The following PHACTR1 variants were observed in gnomAD, a reference collection of about 807,000 sequenced individuals.
PHACTR1 encodes the protein RPEL repeat containing 1.
A neutral mutation model predicts 69.2 loss-of-function variants in PHACTR1; 16 were observed. That is an observed-to-expected ratio of 0.23 (90% CI 0.16 to 0.35). The LOEUF is 0.35. Ranked by LOEUF, PHACTR1 falls within the 10% of genes least tolerant of loss-of-function variation. The pLI is 1.00. For missense variants in PHACTR1, 510 were observed against 734.7 expected (o/e 0.69, Z 3.54); for synonymous variants, 312 against 284.5 (o/e 1.10, Z -0.97).
At chr6:12,926,873 G>A (rs532635366) in intron 4 of PHACTR1, among the ~76,000 whole-genome samples, 2 of 151,596 alleles carry the variant, frequency 1.3e-5, no homozygotes, top group African/African-American at 2.4e-5. Context: ...ACATGCGCTG[G>A]TCCTGGTCCT....
At chr6:12,885,673 T>C (rs1361277575) in intron 4 of PHACTR1, among the ~76,000 whole-genome samples, 1 of 152,238 alleles carries the variant, frequency 6.6e-6, no homozygotes, top group Non-Finnish European at 1.5e-5. Flanking sequence ...TGTCGCTTTA[T>C]TCCTAGAAAA....
At chr6:13,039,929 T>A (rs927211956) in intron 4 of PHACTR1, among the ~76,000 whole-genome samples, 8 of 152,210 alleles carry the variant, frequency 5.3e-5, no homozygotes, top group Non-Finnish European at 1.0e-4. Flanking sequence ...AAACAGATGA[T>A]GCTTTTGCAT....
rs901667855 is a variant in PHACTR1 at position 13,275,791 on chromosome 6, C to G, written c.1448-2477C>G. 1.3e-5 allele frequency: 2 copies of G among 152,218 alleles called. No individual in the cohort carries two copies. Among genetic ancestry groups the G allele is most frequent in the African/African-American group, 4.8e-5 (2 of 41,430 alleles). 9.4% of individuals were successfully genotyped at this position (152,218 alleles called of 1,614,324 possible). Reference sequence around the variant, plus strand: ...TAAATTTTCACCGTGTGCCCTCTAGCTGTCCCTGGTGACCCAACATCCAGA... The same window carrying G: ...TAAATTTTCACCGTGTGCCCTCTAGGTGTCCCTGGTGACCCAACATCCAGA... On this transcript the variant is annotated intron_variant, in intron 11 of 14. Coordinates refer to ENST00000332995, the MANE Select transcript of PHACTR1 (RefSeq NM_030948.6). This position sits in a 1 kb window ranked among gnomAD's most constrained non-coding sequence, Gnocchi z 4.0.
In PHACTR1 at chr6:13,205,970, C is replaced by T; in HGVS notation, c.820C>T (p.His274Tyr). 6.2e-7 allele frequency: 1 copy of T among 1,614,044 alleles called. No homozygotes were observed. The highest frequency in any genetic ancestry group is 8.5e-7 in the Non-Finnish European group (1 of 1,179,904). ...QKSGQQGVAQ[H>Y]HHTVLPSQIQ... ...GAGTGGCCAGCAGGGTGTGGCCCAG[C>T]ACCACCACACTGTCCTGCCCTCCCA... Residue 274 changes from histidine to tyrosine, a missense_variant, in exon 8 of 15, where the codon CAC (histidine) becomes TAC (tyrosine). Physicochemically the swap from His to Tyr is moderately conservative, Grantham distance 83. Coordinates refer to ENST00000332995, the MANE Select transcript of PHACTR1 (RefSeq NM_030948.6).
chr6:12,790,289 G>T (rs1581759432), intron 4 of PHACTR1, among the ~76,000 whole-genome samples: 1 of 152,044 alleles, frequency 6.6e-6, no homozygotes, highest in Non-Finnish European at 1.5e-5. Context: ...GAATTGCCCT[G>T]CTCACTTACC....
intron 3 of PHACTR1, among the ~76,000 whole-genome samples, chr6:12,743,642 A>C (rs1765366992): frequency 6.6e-6 from 1 of 152,214 alleles, no homozygotes; most frequent in African/African-American, 2.4e-5. Context: ...ATATGGGAGC[A>C]CCCAGATTCA....
intron 10 of PHACTR1, among the ~76,000 whole-genome samples, chr6:13,234,243 A>ATTCT (rs1432294801): frequency 6.6e-6 from 1 of 152,242 alleles, no homozygotes; most frequent in Non-Finnish European, 1.5e-5. Context: ...TCTGGCTCTG[A>ATTCT]TTCTTTCATT....
intron 5 of PHACTR1, among the ~76,000 whole-genome samples, chr6:13,147,079 T>C (rs932358385): frequency 6.6e-6 from 1 of 152,244 alleles, no homozygotes; most frequent in Non-Finnish European, 1.5e-5. Flanking sequence ...AGGTGATATA[T>C]ATGTGAAAGG....
chr6:12,967,983 G>A (rs761754853), intron 4 of PHACTR1, among the ~76,000 whole-genome samples: 24 of 152,182 alleles, frequency 1.6e-4, no homozygotes, highest in Non-Finnish European at 2.8e-4. Flanking sequence ...TTTGGTTGTC[G>A]GGGCAGAAGC....
intron 4 of PHACTR1, among the ~76,000 whole-genome samples, chr6:12,797,964 G>A (rs560078137): frequency 4.0e-5 from 6 of 150,456 alleles, no homozygotes; most frequent in Non-Finnish European, 5.9e-5. Flanking sequence ...GATACCTACC[G>A]CTATTTAACA....
chr6:12,864,962 A>AG (rs2127431110), intron 4 of PHACTR1, among the ~76,000 whole-genome samples: 1 of 152,262 alleles, frequency 6.6e-6, no homozygotes, highest in South Asian at 2.1e-4. Flanking sequence ...ATTGCTATCT[A>AG]CACAACTAAG....
At chr6:12,964,128 C>T (rs1160997430) in intron 4 of PHACTR1, among the ~76,000 whole-genome samples, 2 of 152,076 alleles carry the variant, frequency 1.3e-5, no homozygotes, top group Non-Finnish European at 2.9e-5. Flanking sequence ...AGCCAACTAC[C>T]TTGTGAGTAT....
chr6:13,132,296 C>T (rs567574497), intron 5 of PHACTR1, among the ~76,000 whole-genome samples: 1 of 152,334 alleles, frequency 6.6e-6, no homozygotes, highest in South Asian at 2.1e-4. Context: ...GTCTCACCTA[C>T]TGGCACCTGC....
intron 4 of PHACTR1, among the ~76,000 whole-genome samples, chr6:12,868,709 T>C (rs1781725948): frequency 6.6e-6 from 1 of 152,190 alleles, no homozygotes; most frequent in Non-Finnish European, 1.5e-5. Context: ...GCATATGTCC[T>C]GGCCTTTCCC....
intron 3 of PHACTR1, among the ~76,000 whole-genome samples, chr6:12,723,648 C>T (rs768924777): frequency 2.6e-5 from 4 of 152,002 alleles, no homozygotes; most frequent in African/African-American, 9.7e-5. Context: ...TGCCACCATG[C>T]CTGGCTAATT....
At position 13,049,236 on chromosome 6, in the gene PHACTR1, G is replaced by A. The variant is rs535878235; in HGVS notation, c.251-4129G>A. On this transcript the variant is annotated intron_variant, in intron 4 of 14. Coordinates refer to ENST00000332995, the MANE Select transcript of PHACTR1 (RefSeq NM_030948.6). ...AGATGTGATTATGGAAAAGCGTTTC[G>A]GTTCTCATGGCACTTTTTTTTTTAA... Among the ~76,000 whole-genome samples, 3 of 148,238 alleles carry A rather than the reference G, an allele frequency of 2.0e-5. No homozygotes were observed. The East Asian group carries it at 5.8e-4, about 29-fold the overall frequency.
chr6:12,742,530 C>T (rs1203740707), intron 3 of PHACTR1, among the ~76,000 whole-genome samples: 2 of 152,144 alleles, frequency 1.3e-5, no homozygotes, highest in African/African-American at 4.8e-5. Context: ...GTGCCAGCCT[C>T]ATATCTCTTC....
intron 6 of PHACTR1, among the ~76,000 whole-genome samples, chr6:13,160,641 A>G (rs1002172307): frequency 1.3e-5 from 2 of 152,204 alleles, no homozygotes; most frequent in Non-Finnish European, 2.9e-5. Flanking sequence ...GCAACTAAGT[A>G]TTCCCAAGAC....
intron 3 of PHACTR1, among the ~76,000 whole-genome samples, chr6:12,732,396 G>A (rs1411530602): frequency 1.3e-5 from 2 of 151,584 alleles, no homozygotes; most frequent in Admixed American, 6.6e-5. Flanking sequence ...TGTGCAGAAC[G>A]TGCAGGTTTG....
Sources: allele counts gnomAD v4.1 joint callset (sites outside exome capture counted in the v4.1 genomes callset), GRCh38; gene constraint gnomAD v4.1.1; non-coding constraint Gnocchi (gnomAD v3.1); transcripts MANE v1.5; gene names NCBI Gene and HGNC (gene_info 2026-07-23, HGNC 2026-07-21).